The following TBC1D19 variants were observed in gnomAD, a reference collection of about 807,000 sequenced individuals.
The protein encoded by TBC1D19 is TBC1 domain family member 19.
In TBC1D19, 60 loss-of-function variants were observed where a neutral mutation model predicts 89.0. The ratio of observed to expected loss-of-function variants is 0.67; its 90% CI spans 0.55 to 0.84. The LOEUF is 0.84. Ranked by LOEUF, TBC1D19 falls within the 40% of genes least tolerant of loss-of-function variation. The probability of loss-of-function intolerance (pLI) is 0.00; values close to 1 mark genes in which losing one functional copy is unlikely to be tolerated. For synonymous variants in TBC1D19, 189 were observed against 199.7 expected (o/e 0.95, Z 0.45); for missense variants, 500 against 610.8 (o/e 0.82, Z 1.91).
At chr4:26,603,219 C>T (rs1740750527) in intron 1 of TBC1D19, among the ~76,000 whole-genome samples, 1 of 152,180 alleles carries the variant, frequency 6.6e-6, no homozygotes, top group South Asian at 2.1e-4. Flanking sequence ...TACTTACAGA[C>T]TTCTCTGATG....
intron 4 of TBC1D19, among the ~76,000 whole-genome samples, chr4:26,624,354 A>G (rs556994021): frequency 8.7e-5 from 13 of 150,046 alleles, no homozygotes; most frequent in African/African-American, 2.2e-4. Flanking sequence ...CACAAATTGC[A>G]ATTTATTATA....
chr4:26,802,468 G>C, the TBC1D19 span, among the ~76,000 whole-genome samples: 1 of 152,048 alleles, frequency 6.6e-6, no homozygotes, highest in Non-Finnish European at 1.5e-5. Context: ...TGGGTGTGGT[G>C]GCAGGTGCCT....
intron 2 of TBC1D19, 115 bp from the exon 3 acceptor site, chr4:26,614,293 A>C: frequency 1.4e-6 from 1 of 723,490 alleles, no homozygotes; most frequent in Non-Finnish European, 2.2e-6. Context: ...CAGTTGACAA[A>C]ATTCTTTCAC....
chr4:26,634,943 C>T (rs1743033489), intron 4 of TBC1D19, among the ~76,000 whole-genome samples: 1 of 152,190 alleles, frequency 6.6e-6, no homozygotes, highest in Middle Eastern at 3.4e-3. Flanking sequence ...ATATTATGAG[C>T]TGCACATTCA....
the TBC1D19 span, among the ~76,000 whole-genome samples, chr4:26,817,827 G>A: frequency 1.3e-5 from 2 of 151,742 alleles, no homozygotes; most frequent in East Asian, 3.9e-4. Flanking sequence ...AATTAGCCGG[G>A]CGTGGTGGTG....
At chr4:26,683,516 G>T (rs984778510) in intron 11 of TBC1D19, among the ~76,000 whole-genome samples, 159 bp from the exon 12 acceptor site, 1 of 152,194 alleles carries the variant, frequency 6.6e-6, no homozygotes, top group Non-Finnish European at 1.5e-5. Flanking sequence ...AAGTATATTT[G>T]TTGAACATCT....
the TBC1D19 span, among the ~76,000 whole-genome samples, chr4:26,817,620 A>G: frequency 6.6e-6 from 1 of 152,158 alleles, no homozygotes; most frequent in Non-Finnish European, 1.5e-5. Flanking sequence ...ATTCAATAAC[A>G]GCTGAATTTC....
At chr4:26,685,040 T>C (rs1281664033) in intron 12 of TBC1D19, among the ~76,000 whole-genome samples, 3 of 152,216 alleles carry the variant, frequency 2.0e-5, no homozygotes, top group Non-Finnish European at 4.4e-5. Context: ...TTTTTGCAAC[T>C]TTGTAATCAG....
chr4:26,742,562 C>CA lies in TBC1D19; in HGVS notation c.1284dup (p.Leu429ThrfsTer18). On this transcript the variant is annotated frameshift_variant, in exon 18 of 21. Transcript: ENST00000264866. LOFTEE classifies it high-confidence loss of function. ...AACTCTTCTTCAAACTTATCTTCCC[C>CA]AACTCTTTTATCATCTACGAGAAAT... 1 of 1,612,364 alleles carries CA rather than the reference C, an allele frequency of 6.2e-7. No individual in the cohort carries two copies.
chr4:26,770,629 A>T, the TBC1D19 span, among the ~76,000 whole-genome samples: 1 of 152,124 alleles, frequency 6.6e-6, no homozygotes, highest in Admixed American at 6.6e-5. Context: ...AACTGCATTT[A>T]TAGAACACCC....
the TBC1D19 span, among the ~76,000 whole-genome samples, chr4:26,851,307 A>ATCTATCTATCTGTCTGTCTG: frequency 2.0e-3 from 92 of 45,462 alleles, no homozygotes; most frequent in Admixed American, 5.7e-3. Flanking sequence ...TAAATACCCT[A>ATCTATCTATCTGTCTGTCTG]TCTATCTATC....
chr4:26,659,281 G>C (rs1417479820), intron 7 of TBC1D19, among the ~76,000 whole-genome samples: 1 of 151,976 alleles, frequency 6.6e-6, no homozygotes, highest in South Asian at 2.1e-4. Context: ...CTCTGGTAAA[G>C]TGTTATAATC....
At chr4:26,719,361 T>C (rs1716838658) in intron 14 of TBC1D19, among the ~76,000 whole-genome samples, 1 of 152,000 alleles carries the variant, frequency 6.6e-6, no homozygotes, top group Non-Finnish European at 1.5e-5. Flanking sequence ...TAAAAAGAAC[T>C]TTTTTTAACT....
At chr4:26,591,406 G>A (rs1739796098) in intron 1 of TBC1D19, among the ~76,000 whole-genome samples, 3 of 152,116 alleles carry the variant, frequency 2.0e-5, no homozygotes, top group Admixed American at 2.0e-4. Flanking sequence ...ATTAAAGAAT[G>A]TGTAAGCAGA....
the TBC1D19 span, among the ~76,000 whole-genome samples, chr4:26,817,048 A>G: frequency 7.9e-5 from 12 of 152,350 alleles, no homozygotes; most frequent in Middle Eastern, 6.8e-3. Context: ...GCGATGTACT[A>G]TCAGGCATTT....
intron 7 of TBC1D19, among the ~76,000 whole-genome samples, chr4:26,652,784 G>T (rs1744492478): frequency 1.3e-5 from 2 of 152,032 alleles, no homozygotes; most frequent in Admixed American, 6.6e-5. Flanking sequence ...CTTGCTAGCG[G>T]TCTATCAATT....
chr4:26,720,012 A>T, intron 14 of TBC1D19, 69 bp from the exon 15 acceptor site: 1 of 1,363,446 alleles, frequency 7.3e-7, no homozygotes, highest in South Asian at 1.4e-5. Flanking sequence ...GTACATTCAC[A>T]AAATAAGTTG....
intron 11 of TBC1D19, among the ~76,000 whole-genome samples, chr4:26,682,518 C>T (rs996040096): frequency 6.6e-6 from 1 of 152,126 alleles, no homozygotes; most frequent in South Asian, 2.1e-4. Context: ...AATATTCCTC[C>T]TTGTCTCAGA....
At chr4:26,723,646 G>A (rs1262874285) in intron 15 of TBC1D19, among the ~76,000 whole-genome samples, 8 of 152,194 alleles carry the variant, frequency 5.3e-5, no homozygotes, top group African/African-American at 1.9e-4. Flanking sequence ...CAAACAGCTA[G>A]TGAGCAAAAT....
Sources: allele counts gnomAD v4.1 joint callset (sites outside exome capture counted in the v4.1 genomes callset), GRCh38; gene constraint gnomAD v4.1.1; transcripts MANE v1.5; gene names NCBI Gene and HGNC (gene_info 2026-07-23, HGNC 2026-07-21).